The following PIBF1 variants were observed in gnomAD, a reference collection of about 807,000 sequenced individuals.
The protein encoded by PIBF1 is progesterone-induced-blocking factor 1.
Under a neutral mutation model 112.5 loss-of-function variants are expected in PIBF1, and 90 were observed. That is an observed-to-expected ratio of 0.80 (90% CI 0.67 to 0.95). The LOEUF is 0.95. Ranked by LOEUF, PIBF1 falls within the 40% of genes least tolerant of loss-of-function variation. The pLI, the probability that PIBF1 is intolerant of heterozygous loss-of-function variation, is 0.00. For synonymous variants in PIBF1, 301 were observed against 288.6 expected, an observed-to-expected ratio of 1.04 and a Z score of -0.44; for missense variants, 915 against 852.3, an observed-to-expected ratio of 1.07 and a Z score of -0.92.
chr13:73,003,771 A>G (rs560517045), intron 17 of PIBF1, among the ~76,000 whole-genome samples: 302 of 152,258 alleles, frequency 2.0e-3, no homozygotes, highest in Non-Finnish European at 3.4e-3. Flanking sequence ...GTGCAGTGGC[A>G]TGAACACGGC....
intron 13 of PIBF1, among the ~76,000 whole-genome samples, chr13:72,919,229 T>TA (rs1160346494): frequency 6.6e-6 from 1 of 152,020 alleles, no homozygotes; most frequent in East Asian, 1.9e-4. Context: ...TAGTGGTGAA[T>TA]AAAAAAATAA....
intron 5 of PIBF1, among the ~76,000 whole-genome samples, chr13:72,815,184 T>G (rs572533762): frequency 6.6e-6 from 1 of 152,298 alleles, no homozygotes; most frequent in African/African-American, 2.4e-5. Flanking sequence ...TGTAAAAATT[T>G]GAAATAAAAT....
Position 72,817,533 on chromosome 13 carries a change from A to G in PIBF1, c.673-4316A>G, listed in dbSNP as rs140522904. Among the ~76,000 whole-genome samples, 615 of 152,306 alleles carry G rather than the reference A, an allele frequency of 4.0e-3. 4 individuals carry two copies. The highest frequency in any genetic ancestry group is 7.1e-3 in the Non-Finnish European group (486 of 68,020). The stretch of plus-strand genomic sequence containing the variant: ...ATTAATTGCAAACCTTCTATATAAT[A>G]GGCAGAGTATTAGTTACTAGGATTA... On this transcript the variant is annotated intron_variant, in intron 5 of 17. Transcript: ENST00000326291.
intron 16 of PIBF1, among the ~76,000 whole-genome samples, chr13:72,981,654 G>A (rs955234397): frequency 6.6e-6 from 1 of 152,142 alleles, no homozygotes. Flanking sequence ...AATGAATGAT[G>A]TACATAAAAG....
At chr13:72,989,253 A>G (rs767715425) in intron 16 of PIBF1, among the ~76,000 whole-genome samples, 13 of 152,202 alleles carry the variant, frequency 8.5e-5, no homozygotes, top group Non-Finnish European at 1.8e-4. Flanking sequence ...TTTACACACA[A>G]AACTTTTCAC....
chr13:72,826,422 A>G (rs1366528365), intron 6 of PIBF1, among the ~76,000 whole-genome samples: 1 of 152,206 alleles, frequency 6.6e-6, no homozygotes, highest in African/African-American at 2.4e-5. Flanking sequence ...ACTGCAGGGA[A>G]GTAGTTAAGA....
At chr13:72,899,294 T>C (rs1215126528) in intron 11 of PIBF1, among the ~76,000 whole-genome samples, 1 of 152,042 alleles carries the variant, frequency 6.6e-6, no homozygotes, top group Admixed American at 6.6e-5. Flanking sequence ...ATCACCCTAA[T>C]ACCAAACCAG....
chr13:72,840,758 T>A lies in PIBF1; in HGVS notation c.1223+5390T>A, dbSNP rs555225576. Among the ~76,000 whole-genome samples, 25 of 152,242 alleles carry A rather than the reference T, an allele frequency of 1.6e-4. No individual in the cohort carries two copies. The South Asian group carries it at 4.6e-3, about 28-fold the overall frequency. ...CCAGGCTGTTCTCAAACTCCTGACC[T>A]CAGGTAGTCTGCCTGCCTCGGCCTC... On this transcript the variant is annotated intron_variant, in intron 9 of 17. Coordinates refer to ENST00000326291, the MANE Select transcript of PIBF1 (RefSeq NM_006346.4).
At chr13:72,829,888 A>G (rs552096752) in intron 8 of PIBF1, among the ~76,000 whole-genome samples, 191 of 152,124 alleles carry the variant, frequency 1.3e-3, no homozygotes, top group African/African-American at 4.5e-3. Context: ...CATTTTCACG[A>G]TATTGAATCT....
chr13:72,860,762 C>T (rs548204412), intron 10 of PIBF1, among the ~76,000 whole-genome samples: 8 of 152,208 alleles, frequency 5.3e-5, no homozygotes, highest in South Asian at 2.1e-4. Flanking sequence ...ATTTTTCAAA[C>T]GAGTGAAAAT....
intron 9 of PIBF1, among the ~76,000 whole-genome samples, chr13:72,843,401 G>A (rs9573044): frequency 0.28 from 41,944 of 152,062 alleles, 6,857 homozygotes; most frequent in East Asian, 0.47. Context: ...ATAAGGCATG[G>A]CCATTAGCTC....
intron 16 of PIBF1, chr13:72,974,218 T>C (rs1390378494): frequency 1.3e-5 from 2 of 152,522 alleles, no homozygotes; most frequent in Admixed American, 1.3e-4. Context: ...TGAGTTATAA[T>C]CTACAAAGAA....
intron 11 of PIBF1, among the ~76,000 whole-genome samples, chr13:72,904,227 TAAAC>T (rs2040600746): frequency 6.6e-6 from 1 of 151,820 alleles, no homozygotes; most frequent in African/African-American, 2.4e-5. Flanking sequence ...TATAGGTCAT[TAAAC>T]AGAAACTACA....
intron 16 of PIBF1, among the ~76,000 whole-genome samples, chr13:72,982,167 C>T (rs528751546): frequency 2.6e-5 from 4 of 152,228 alleles, no homozygotes; most frequent in Admixed American, 6.5e-5. Context: ...AGACTGGGCA[C>T]GGTGGCTCCT....
At chr13:72,943,706 G>A (rs545731295) in intron 14 of PIBF1, among the ~76,000 whole-genome samples, 14 of 152,070 alleles carry the variant, frequency 9.2e-5, no homozygotes, top group Non-Finnish European at 7.4e-5. Context: ...TGTTACCTTC[G>A]TACTCCTCAG....
chr13:72,912,477 C>T (rs887978108), intron 12 of PIBF1, among the ~76,000 whole-genome samples: 1 of 152,108 alleles, frequency 6.6e-6, no homozygotes, highest in Non-Finnish European at 1.5e-5. Flanking sequence ...CAGTGAGATA[C>T]CACTGTATAC....
chr13:72,801,920 C>T (rs532624001), intron 5 of PIBF1, among the ~76,000 whole-genome samples: 9 of 152,180 alleles, frequency 5.9e-5, no homozygotes, highest in Admixed American at 5.9e-4. Context: ...TTTGGAGAGA[C>T]CATTAATTTT....
chr13:72,968,032 A>C (rs1482709242), intron 15 of PIBF1, among the ~76,000 whole-genome samples: 1 of 151,804 alleles, frequency 6.6e-6, no homozygotes, highest in Non-Finnish European at 1.5e-5. Flanking sequence ...AAAAATACAA[A>C]AATTAGCCGG....
At chr13:72,999,756 A>G (rs1363583358) in intron 17 of PIBF1, among the ~76,000 whole-genome samples, 1 of 152,226 alleles carries the variant, frequency 6.6e-6, no homozygotes. Flanking sequence ...AAAAAATGAA[A>G]GTTGCAGTTT....
Sources: allele counts gnomAD v4.1 joint callset (sites outside exome capture counted in the v4.1 genomes callset), GRCh38; gene constraint gnomAD v4.1.1; transcripts MANE v1.5; gene names NCBI Gene and HGNC (gene_info 2026-07-23, HGNC 2026-07-21).